Variants in SOS2 observed in about 807,000 individuals in gnomAD.
The protein encoded by SOS2 is SOS Ras/Rho guanine nucleotide exchange factor 2.
A neutral mutation model predicts 148.2 loss-of-function variants in SOS2; 65 were observed. The ratio of observed to expected loss-of-function variants is 0.44; its 90% CI spans 0.36 to 0.54. The LOEUF is 0.54. Ranked by LOEUF, SOS2 falls within the 20% of genes least tolerant of loss-of-function variation. SOS2 has a pLI of 0.00. For synonymous variants in SOS2, 539 were observed against 537.1 expected (o/e 1.00, Z -0.05); for missense variants, 1,341 against 1,590.2 (o/e 0.84, Z 2.67).
intron 21 of SOS2, among the ~76,000 whole-genome samples, chr14:50,126,829 A>C (rs532718615): frequency 3.9e-5 from 6 of 152,146 alleles, no homozygotes; most frequent in Non-Finnish European, 7.4e-5. Flanking sequence ...AAAAATTATT[A>C]CCAAAGCAAC....
At chr14:50,174,601 T>C (rs927467915) in intron 7 of SOS2, 49 bp from the exon 8 acceptor site, 3 of 1,126,050 alleles carry the variant, frequency 2.7e-6, no homozygotes, top group Non-Finnish European at 3.9e-6. Context: ...ACATCAAGGA[T>C]ATGCAACAGC....
chr14:50,203,856 G>A (rs1886582061), intron 2 of SOS2, among the ~76,000 whole-genome samples: 1 of 149,452 alleles, frequency 6.7e-6, no homozygotes, highest in African/African-American at 2.5e-5. Context: ...GATTACAGGT[G>A]TGAGCCACCG....
chr14:50,152,389 G>A lies in SOS2; in HGVS notation c.2161+681C>T, dbSNP rs72681842. 9.2e-3 allele frequency among the ~76,000 whole-genome samples: 1,403 copies of A among 152,174 alleles called. 10 individuals carry two copies. The highest frequency in any genetic ancestry group is 0.016 in the Non-Finnish European group (1,079 of 67,984). On this transcript the variant is annotated intron_variant, in intron 13 of 22. Transcript: ENST00000216373. ...TTTCCAGAAGATGTAAATATTATAA[G>A]AAAGCTGTTAATCATTAAAAGAATA...
intron 7 of SOS2, among the ~76,000 whole-genome samples, chr14:50,175,429 T>C (rs1396587672): frequency 1.5e-5 from 1 of 67,416 alleles, no homozygotes; most frequent in African/African-American, 6.5e-5. Context: ...GGAGTAATAC[T>C]TTTTTTTTTT....
Position 50,157,044 on chromosome 14 carries a change from T to A in SOS2, c.2012A>T (p.Asp671Val). The A allele has an allele frequency of 6.2e-7, 1 of 1,612,524 alleles. No individual in the cohort carries two copies. Among genetic ancestry groups the A allele is most frequent in the Non-Finnish European group, 8.5e-7 (1 of 1,179,118 alleles). Reference protein sequence around the residue: ...IEKGEQPISADLKRFRKEYVQ... With the variant: ...IEKGEQPISAVLKRFRKEYVQ... ...ATATTCCTTGCGAAATCTTTTAAGG[T>A]CTGCACTGATTGGCTGCTCGCCTTT... Residue 671 changes from aspartate (D) to valine (V), a missense_variant, in exon 12 of 23, where the codon GAC becomes GTC. Physicochemically the swap from Asp to Val is radical, Grantham distance 152 (BLOSUM62 -3). This residue lies in a region of SOS2 where 408 missense variants were observed against 506.6 expected (regional missense o/e 0.81). Transcript: ENST00000216373.
At chr14:50,120,021 C>A (rs1883448491) in intron 22 of SOS2, among the ~76,000 whole-genome samples, 1 of 152,082 alleles carries the variant, frequency 6.6e-6, no homozygotes, top group Non-Finnish European at 1.5e-5. Context: ...TCATGTTGAC[C>A]AGGCTGGTCT....
In SOS2 at chr14:50,133,242, C is replaced by CT. The variant is rs753590435; in HGVS notation, c.3075+880dup. Among the ~76,000 whole-genome samples the CT allele has an allele frequency of 1.9e-3, 153 of 78,760 alleles. 8 individuals are homozygous for CT. Among genetic ancestry groups the CT allele is most frequent in the East Asian group, 2.8e-3 (6 of 2,170 alleles). The allele number at this position is 78,760 out of a possible 152,430, so 51.7% of individuals were successfully genotyped here. A position where few individuals can be genotyped will look rare whatever the true frequency, so the allele number is the denominator to read the frequency against. ...TTTCCATGAACTTTTTTTCTTTTTT[C>CT]TTTTTTCTTTTTTTTTTTTTTTGAG... On this transcript the variant is annotated intron_variant, in intron 19 of 22. Transcript: ENST00000216373.
chr14:50,178,731 T>C (rs898773790), intron 7 of SOS2, among the ~76,000 whole-genome samples: 4 of 139,100 alleles, frequency 2.9e-5, no homozygotes, highest in Admixed American at 7.4e-5. Context: ...TACACACACA[T>C]ATATATATAT....
chr14:50,231,142 T>A, intron 1 of SOS2, 55 bp downstream of exon 1: 3 of 1,109,418 alleles, frequency 2.7e-6, no homozygotes, highest in Non-Finnish European at 3.6e-6. Context: ...TGCTCCCCGT[T>A]AGAAGCTCGG....
chr14:50,223,525 A>G (rs1232305146), intron 1 of SOS2, among the ~76,000 whole-genome samples: 1 of 151,852 alleles, frequency 6.6e-6, no homozygotes, highest in African/African-American at 2.4e-5. Flanking sequence ...ATACAAAAAA[A>G]TTACCTGGGC....
intron 14 of SOS2, among the ~76,000 whole-genome samples, chr14:50,149,684 G>A (rs1884601802): frequency 6.6e-6 from 1 of 152,156 alleles, no homozygotes; most frequent in South Asian, 2.1e-4. Context: ...TAGCTGCTAA[G>A]GGCCTAGCAT....
chr14:50,118,856 CAA>C lies in SOS2; in HGVS notation c.3490-5_3490-4del. On this transcript the variant is annotated splice_polypyrimidine_tract_variant and splice_region_variant and intron_variant, in intron 22 of 22. Coordinates refer to ENST00000216373, the MANE Select transcript of SOS2 (RefSeq NM_006939.4). ...TCATCATCAGATTTCATATTTCCCTCAAAAAAAAAAGTAATTAAATTATACCT... is the reference window on the plus strand; with the variant it reads ...TCATCATCAGATTTCATATTTCCCTCAAAAAAAAGTAATTAAATTATACCT... 2.5e-6 allele frequency: 3 copies of C among 1,179,206 alleles called. No individual in the cohort carries two copies. The highest frequency in any genetic ancestry group is 3.3e-6 in the Non-Finnish European group (3 of 900,720). 73.0% of individuals were successfully genotyped at this position (1,179,206 alleles called of 1,614,324 possible).
In SOS2 at chr14:50,133,242, CTTT is replaced by C. The variant is rs753590435; in HGVS notation, c.3075+878_3075+880del. 6.5e-4 allele frequency among the ~76,000 whole-genome samples: 51 copies of C among 78,808 alleles called. 1 individual carries two copies. The highest frequency in any genetic ancestry group is 2.2e-3 in the African/African-American group (47 of 21,340). The allele number at this position is 78,808 out of a possible 152,430, so 51.7% of individuals were successfully genotyped here. On this transcript the variant is annotated intron_variant, in intron 19 of 22. Coordinates refer to ENST00000216373, the MANE Select transcript of SOS2 (RefSeq NM_006939.4). ...TTTCCATGAACTTTTTTTCTTTTTTCTTTTTTCTTTTTTTTTTTTTTTGAGACG... is the reference window on the plus strand; with the variant it reads ...TTTCCATGAACTTTTTTTCTTTTTTCTTTCTTTTTTTTTTTTTTTGAGACG...
intron 7 of SOS2, among the ~76,000 whole-genome samples, chr14:50,177,452 C>CG (rs1290147443): frequency 1.3e-5 from 2 of 150,336 alleles, no homozygotes; most frequent in East Asian, 3.9e-4. Flanking sequence ...GAGTTTGGCC[C>CG]GAAAAAGGAT....
chr14:50,136,486 G>C (rs1043856957), intron 18 of SOS2, among the ~76,000 whole-genome samples: 1 of 152,070 alleles, frequency 6.6e-6, no homozygotes, highest in African/African-American at 2.4e-5. Context: ...TATTTCCTTA[G>C]CTCTCCGAAG....
chr14:50,178,711 TACAC>T (rs1555371318), intron 7 of SOS2, among the ~76,000 whole-genome samples: 1 of 120,442 alleles, frequency 8.3e-6, no homozygotes, highest in Non-Finnish European at 1.6e-5. Flanking sequence ...TATATATATA[TACAC>T]ACATATACAC....
intron 12 of SOS2, 37 bp from the exon 13 acceptor site, chr14:50,153,210 T>C: frequency 8.6e-7 from 1 of 1,165,174 alleles, no homozygotes; most frequent in Non-Finnish European, 1.3e-6. Flanking sequence ...TAGTGAAACA[T>C]AAGTGTTCAA....
intron 8 of SOS2, among the ~76,000 whole-genome samples, 198 bp from the exon 9 acceptor site, chr14:50,161,807 T>C (rs1296011908): frequency 7.0e-6 from 1 of 142,312 alleles, no homozygotes; most frequent in Admixed American, 7.2e-5. Context: ...TTTTTTTTTT[T>C]GAAACAGGAT....
At chr14:50,223,582 G>C (rs1228050134) in intron 1 of SOS2, among the ~76,000 whole-genome samples, 1 of 152,140 alleles carries the variant, frequency 6.6e-6, no homozygotes, top group African/African-American at 2.4e-5. Context: ...GGCTGAGGCA[G>C]GAGAATCACT....
Sources: gnomAD v4.1 joint callset for allele counts (sites outside exome capture counted in the v4.1 genomes callset) on GRCh38, gnomAD v4.1.1 for gene constraint, gnomAD v4.1.1 regional missense constraint, MANE v1.5 for transcripts, NCBI Gene and HGNC (gene_info 2026-07-23, HGNC 2026-07-21) for gene names.